SPTAN1: variants seen among roughly 807,000 people sequenced by gnomAD.
The protein encoded by SPTAN1 is spectrin alpha, non-erythrocytic 1.
Under a neutral mutation model 331.3 loss-of-function variants are expected in SPTAN1, and 61 were observed. The ratio of observed to expected loss-of-function variants is 0.18; its 90% CI spans 0.15 to 0.23. SPTAN1 has a LOEUF of 0.23. Among genes scored for constraint, SPTAN1 ranks in the 10% least tolerant of loss-of-function variants. The probability of loss-of-function intolerance (pLI) is 1.00; values close to 1 mark genes in which losing one functional copy is unlikely to be tolerated. For missense variants in SPTAN1, 2,043 were observed against 3,147.9 expected, an observed-to-expected ratio of 0.65 and a Z score of 8.40; for synonymous variants, 1,153 against 1,173.9, an observed-to-expected ratio of 0.98 and a Z score of 0.36.
intron 1 of SPTAN1, among the ~76,000 whole-genome samples, chr9:128,555,708 C>T (rs890042160): frequency 6.8e-6 from 1 of 146,280 alleles, no homozygotes; most frequent in Admixed American, 7.1e-5. Context: ...CTGGTGTTTG[C>T]ATGTAGTGTT....
chr9:128,575,368 C>G, intron 5 of SPTAN1, 23 bp downstream of exon 5: 1 of 1,606,712 alleles, frequency 6.2e-7, no homozygotes, highest in Non-Finnish European at 8.5e-7. Flanking sequence ...GTGCTGTATG[C>G]TTCTCACAAC....
At position 128,629,611 on chromosome 9, in the gene SPTAN1, T is replaced by C. The variant is rs1859354154; in HGVS notation, c.6708-710T>C. On this transcript the variant is annotated intron_variant, in intron 51 of 56. Coordinates refer to ENST00000372739, the MANE Select transcript of SPTAN1 (RefSeq NM_001130438.3). The surrounding 1 kb of genome is among the most constrained non-coding windows in gnomAD (Gnocchi z 4.9). ...TAACTCGTTTGTTGTCTTTGTTTAC[T>C]GGTAGCCTCTGTGACCTGGCACTGT... The C allele has an allele frequency of 1.2e-5, 2 of 167,592 alleles. No individual in the cohort carries two copies. Among genetic ancestry groups the C allele is most frequent in the South Asian group, 3.4e-4 (2 of 5,850 alleles). 10.4% of individuals were successfully genotyped at this position (167,592 alleles called of 1,614,324 possible).
chr9:128,586,136 T>C (rs1335781760), intron 19 of SPTAN1, among the ~76,000 whole-genome samples, 171 bp downstream of exon 19: 1 of 133,844 alleles, frequency 7.5e-6, no homozygotes. Flanking sequence ...TTTTTTTTTT[T>C]TGGAGACAGA....
Position 128,625,349 on chromosome 9 carries a change from C to T in SPTAN1, c.6069+170C>T, listed in dbSNP as rs1858574633. ...TCCAGACTAACTGGGGAAGCAGACA[C>T]AGAACCAGGCATCTCTGCAGCAGCC... On this transcript the variant is annotated intron_variant, in intron 47 of 56. Transcript: ENST00000372739. This position sits in a 1 kb window ranked among gnomAD's most constrained non-coding sequence, Gnocchi z 4.1. 6.6e-6 allele frequency among the ~76,000 whole-genome samples: 1 copy of T among 152,208 alleles called. No individual in the cohort carries two copies. Among genetic ancestry groups the T allele is most frequent in the South Asian group, 2.1e-4 (1 of 4,830 alleles).
Position 128,577,290 on chromosome 9 carries a change from G to C in SPTAN1, c.930+17G>C, listed in dbSNP as rs117436936. 1 of 1,614,236 alleles carries C rather than the reference G, an allele frequency of 6.2e-7. No homozygotes were observed. The highest frequency in any genetic ancestry group is 1.7e-5 in the Admixed American group (1 of 60,030). On this transcript the variant is annotated intron_variant, in intron 7 of 56. Transcript: ENST00000372739. The surrounding 1 kb of genome is among the most constrained non-coding windows in gnomAD (Gnocchi z 4.2). ...GAAGACAAGGTGGGTTTTACAAGCA[G>C]CTGATTCTGTAAATAAGTTACCAAG...
intron 24 of SPTAN1, 139 bp downstream of exon 24, chr9:128,594,512 C>A: frequency 1.2e-6 from 1 of 803,112 alleles, no homozygotes; most frequent in Non-Finnish European, 2.0e-6. Context: ...CTCACTGCAA[C>A]CTCTGCCTCC....
At chr9:128,615,227 T>G (rs1018184155) in intron 40 of SPTAN1, among the ~76,000 whole-genome samples, 3 of 152,178 alleles carry the variant, frequency 2.0e-5, no homozygotes, top group South Asian at 4.1e-4. Context: ...GTTCGGTGGT[T>G]GTTCTTTCAA....
At chr9:128,587,125 G>A (rs569065100) in intron 19 of SPTAN1, among the ~76,000 whole-genome samples, 2 of 151,254 alleles carry the variant, frequency 1.3e-5, no homozygotes, top group African/African-American at 4.9e-5. Flanking sequence ...TCGTTCTGTC[G>A]CTAGGGCTGG....
Position 128,575,216 on chromosome 9 carries a change from T to G in SPTAN1, c.522T>G (p.Ser174=). 1.2e-6 allele frequency: 2 copies of G among 1,614,164 alleles called. No individual in the cohort carries two copies. Among genetic ancestry groups the G allele is most frequent in the African/African-American group, 1.3e-5 (1 of 75,038 alleles). Residue 174 remains serine, a synonymous_variant, in exon 5 of 57, where the codon TCT becomes TCG. Coordinates refer to ENST00000372739, the MANE Select transcript of SPTAN1 (RefSeq NM_001130438.3). ...WINDKEAIVT[S]EELGQDLEHV... ...CTGAATAGGAAGCAATTGTTACTTC[T>G]GAAGAGCTGGGCCAGGATCTGGAGC... is the stretch of plus-strand genomic sequence containing the variant.
intron 52 of SPTAN1, 105 bp downstream of exon 52, chr9:128,630,480 A>G: frequency 8.9e-7 from 1 of 1,128,468 alleles, no homozygotes; most frequent in Admixed American, 1.7e-5. Flanking sequence ...ATGTGCTATT[A>G]TTGTACCCTT....
intron 24 of SPTAN1, among the ~76,000 whole-genome samples, chr9:128,597,156 T>C (rs1854416486): frequency 6.6e-6 from 1 of 151,726 alleles, no homozygotes. Flanking sequence ...TGAGACTGAG[T>C]CTCATTAGAG....
At chr9:128,598,529 G>A in intron 25 of SPTAN1, 25 bp downstream of exon 25, 2 of 1,538,606 alleles carry the variant, frequency 1.3e-6, no homozygotes, top group Non-Finnish European at 1.8e-6. Context: ...CTTGGAGTGA[G>A]GCTCTGTTGC....
At chr9:128,608,102 T>G (rs780358723) in intron 33 of SPTAN1, 28 bp from the exon 34 acceptor site, 5 of 1,614,038 alleles carry the variant, frequency 3.1e-6, no homozygotes, top group Non-Finnish European at 4.2e-6. Flanking sequence ...AGGGCCTCAT[T>G]TTCTCACCTG....
At chr9:128,576,293 C>G (rs933147595) in intron 5 of SPTAN1, among the ~76,000 whole-genome samples, 1 of 152,146 alleles carries the variant, frequency 6.6e-6, no homozygotes, top group African/African-American at 2.4e-5. Context: ...ATAGACCCAG[C>G]TACTCTACTC....
At chr9:128,611,941 A>T in intron 38 of SPTAN1, 96 bp downstream of exon 38, 1 of 1,605,410 alleles carries the variant, frequency 6.2e-7, no homozygotes, top group Non-Finnish European at 8.5e-7. Flanking sequence ...TAAGACACTA[A>T]ATGGATTATA....
In SPTAN1 at chr9:128,582,727, G is replaced by T. The variant is rs773328719; in HGVS notation, c.1684G>T (p.Ala562Ser). 11 of 1,613,954 alleles carry T rather than the reference G, an allele frequency of 6.8e-6. No individual in the cohort carries two copies. The highest frequency in any genetic ancestry group is 8.5e-6 in the Non-Finnish European group (10 of 1,180,046). ...LSRRNALHER[A>S]MRRRAQLADS... ...CCGCCGCAATGCCCTTCACGAGAGA[G>T]CCATGCGTCGCCGGGCCCAGCTAGC... The change falls in exon 14 of 57, where the codon GCC becomes TCC. Residue 562 changes from alanine (A) to serine (S), a missense_variant. By Grantham distance (99) the Ala-to-Ser change is moderately conservative. This residue lies in a region of SPTAN1 where 1,038 missense variants were observed against 1,531.5 expected (regional missense o/e 0.68). Coordinates refer to ENST00000372739, the MANE Select transcript of SPTAN1 (RefSeq NM_001130438.3).
chr9:128,591,213 C>T (rs1853460028), intron 21 of SPTAN1, among the ~76,000 whole-genome samples: 1 of 151,992 alleles, frequency 6.6e-6, no homozygotes, highest in Non-Finnish European at 1.5e-5. Context: ...AGGTGCCCAC[C>T]ACCATGTCCA....
At chr9:128,606,201 C>T (rs1281401889) in intron 31 of SPTAN1, among the ~76,000 whole-genome samples, 1 of 150,998 alleles carries the variant, frequency 6.6e-6, no homozygotes, top group South Asian at 2.1e-4. Flanking sequence ...GAAACCCCAT[C>T]TCTACTAAAA....
intron 1 of SPTAN1, among the ~76,000 whole-genome samples, chr9:128,564,919 G>A (rs1397232485): frequency 6.6e-6 from 1 of 152,198 alleles, no homozygotes; most frequent in Non-Finnish European, 1.5e-5. Context: ...CGCCACAAGG[G>A]TAGGGGTCAC....
Sources: allele counts gnomAD v4.1 joint callset (sites outside exome capture counted in the v4.1 genomes callset), GRCh38; gene constraint gnomAD v4.1.1; regional missense constraint gnomAD v4.1.1; non-coding constraint Gnocchi (gnomAD v3.1); transcripts MANE v1.5; gene names NCBI Gene and HGNC (gene_info 2026-07-23, HGNC 2026-07-21).